The following TLL1 variants were observed in gnomAD, a reference collection of about 807,000 sequenced individuals.
The protein encoded by TLL1 is tolloid like 1.
Under a neutral mutation model 128.2 loss-of-function variants are expected in TLL1, and 49 were observed. The ratio of observed to expected loss-of-function variants is 0.38; its 90% CI spans 0.30 to 0.48. The LOEUF (loss-of-function observed/expected upper bound fraction) is 0.48, where lower values mean the gene tolerates loss of function less well. Among genes scored for constraint, TLL1 ranks in the 20% least tolerant of loss-of-function variants. The pLI, the probability that TLL1 is intolerant of heterozygous loss-of-function variation, is 0.96. For missense variants in TLL1, 1,123 were observed against 1,242.0 expected, an observed-to-expected ratio of 0.90 and a Z score of 1.44; for synonymous variants, 454 against 418.8, an observed-to-expected ratio of 1.08 and a Z score of -1.03.
At chr4:166,002,387 T>G (rs1263299398) in intron 5 of TLL1, among the ~76,000 whole-genome samples, 4 of 152,190 alleles carry the variant, frequency 2.6e-5, no homozygotes, top group South Asian at 4.1e-4. Flanking sequence ...ACCAGTTAAC[T>G]GTTAACTTTA....
At chr4:165,898,859 G>A (rs1042605960) in intron 1 of TLL1, among the ~76,000 whole-genome samples, 7 of 152,114 alleles carry the variant, frequency 4.6e-5, no homozygotes, top group African/African-American at 1.4e-4. Context: ...GTCTGGTCCT[G>A]GGCTTTTTTT....
intron 1 of TLL1, among the ~76,000 whole-genome samples, chr4:165,887,486 G>C (rs2110823962): frequency 6.6e-6 from 1 of 152,322 alleles, no homozygotes; most frequent in African/African-American, 2.4e-5. Flanking sequence ...TTAGTGACTG[G>C]ATAGACAGTG....
intron 17 of TLL1, among the ~76,000 whole-genome samples, 191 bp downstream of exon 17, chr4:166,075,194 G>A (rs1740968480): frequency 6.6e-6 from 1 of 152,176 alleles, no homozygotes; most frequent in South Asian, 2.1e-4. Context: ...TTCGCACATA[G>A]ATGGCATTAG....
At chr4:165,874,185 C>T (rs1312153118) in intron 1 of TLL1, 112 bp downstream of exon 1, 2 of 1,314,396 alleles carry the variant, frequency 1.5e-6, no homozygotes, top group African/African-American at 2.9e-5. Context: ...TCAGCCCCTC[C>T]GCCGCCCCTC....
chr4:165,885,116 G>A (rs976017003), intron 1 of TLL1, among the ~76,000 whole-genome samples: 21 of 152,004 alleles, frequency 1.4e-4, no homozygotes, highest in African/African-American at 2.4e-4. Context: ...AAGAATAACC[G>A]TATCTGGGTA....
chr4:165,980,178 G>A (rs1322762416), intron 1 of TLL1, among the ~76,000 whole-genome samples: 1 of 151,698 alleles, frequency 6.6e-6, no homozygotes, highest in Non-Finnish European at 1.5e-5. Flanking sequence ...TTGAGAATAT[G>A]TTGGGCAGAC....
At chr4:165,953,667 A>G (rs1734648870) in intron 1 of TLL1, among the ~76,000 whole-genome samples, 1 of 151,144 alleles carries the variant, frequency 6.6e-6, no homozygotes, top group African/African-American at 2.4e-5. Context: ...GTACAAATGA[A>G]TAGAGTGAAT....
At chr4:165,946,850 G>A (rs550421574) in intron 1 of TLL1, among the ~76,000 whole-genome samples, 289 of 152,188 alleles carry the variant, frequency 1.9e-3, no homozygotes, top group Non-Finnish European at 3.1e-3. Flanking sequence ...TCCTTCTGAT[G>A]AGGACTTAAA....
intron 1 of TLL1, among the ~76,000 whole-genome samples, chr4:165,915,212 T>G (rs1732726089): frequency 6.6e-6 from 1 of 152,236 alleles, no homozygotes; most frequent in African/African-American, 2.4e-5. Context: ...TTGACCTTTT[T>G]GAAGTTCTAG....
intron 1 of TLL1, among the ~76,000 whole-genome samples, chr4:165,901,517 C>A (rs1303922016): frequency 6.6e-6 from 1 of 152,154 alleles, no homozygotes; most frequent in Non-Finnish European, 1.5e-5. Context: ...TGGAGGTCTG[C>A]TAGATTTTGC....
Position 165,888,554 on chromosome 4 carries a change from A to G in TLL1, c.169+14481A>G, listed in dbSNP as rs1460061. ...TTGTTCCTTTAATACACTGGAAAAT[A>G]TTTTTTTTTTTTGCCTCCGTAACAG... On this transcript the variant is annotated intron_variant, in intron 1 of 20. Transcript: ENST00000061240. Among the ~76,000 whole-genome samples the G allele has an allele frequency of 2.0e-5, 3 of 146,818 alleles. No homozygotes were observed. The East Asian group carries it at 5.9e-4, about 29-fold the overall frequency.
At chr4:166,051,389 G>A (rs927044279) in intron 12 of TLL1, among the ~76,000 whole-genome samples, 9 of 140,494 alleles carry the variant, frequency 6.4e-5, no homozygotes, top group East Asian at 6.4e-4. Context: ...ATAAATCATC[G>A]CCTTTGGTGT....
intron 1 of TLL1, among the ~76,000 whole-genome samples, chr4:165,954,395 A>T (rs984040574): frequency 5.3e-5 from 8 of 152,158 alleles, no homozygotes; most frequent in South Asian, 2.1e-4. Flanking sequence ...AAAAAGATAA[A>T]TGGAAAAAAT....
At chr4:165,992,640 T>C (rs111657530) in intron 2 of TLL1, among the ~76,000 whole-genome samples, 164 bp from the exon 3 acceptor site, 217 of 152,198 alleles carry the variant, frequency 1.4e-3, no homozygotes, top group African/African-American at 4.8e-3. Flanking sequence ...TTGGTTGCTG[T>C]AGAGTTTTTA....
chr4:165,928,659 A>G (rs1171319838), intron 1 of TLL1, among the ~76,000 whole-genome samples: 3 of 152,196 alleles, frequency 2.0e-5, no homozygotes, highest in African/African-American at 7.2e-5. Flanking sequence ...AATTTCCAAA[A>G]CAATCTAAAA....
chr4:166,073,903 A>G (rs183510039), intron 16 of TLL1, among the ~76,000 whole-genome samples: 33 of 152,186 alleles, frequency 2.2e-4, no homozygotes, highest in African/African-American at 7.7e-4. Flanking sequence ...AACTCCTCAT[A>G]TGACTGTAAC....
At chr4:166,024,697 C>A (rs1267228974) in intron 8 of TLL1, among the ~76,000 whole-genome samples, 1 of 151,762 alleles carries the variant, frequency 6.6e-6, no homozygotes, top group East Asian at 1.9e-4. Flanking sequence ...ACACAAATTG[C>A]TTTTTTAGCA....
chr4:166,101,000 G>T lies in TLL1; in HGVS notation c.*124G>T, dbSNP rs1742262257. The T allele has an allele frequency of 1.6e-6, 2 of 1,261,008 alleles. No homozygotes were observed. The highest frequency in any genetic ancestry group is 2.2e-6 in the Non-Finnish European group (2 of 902,910). 78.1% of individuals were successfully genotyped at this position (1,261,008 alleles called of 1,614,324 possible). A position where few individuals can be genotyped will look rare whatever the true frequency, so the allele number is the denominator to read the frequency against. On this transcript the variant is annotated 3_prime_UTR_variant, in exon 21 of 21. Transcript: ENST00000061240. ...GAGTTTGAACAAAAAATCCCTGTAA[G>T]ACCAGAATTATCTTTGTACTAAAAG...
chr4:165,952,594 A>G (rs1194668552), intron 1 of TLL1, among the ~76,000 whole-genome samples: 1 of 152,134 alleles, frequency 6.6e-6, no homozygotes, highest in Non-Finnish European at 1.5e-5. Flanking sequence ...GATGAATTCA[A>G]AGTTTTGAAA....
Sources: allele counts gnomAD v4.1 joint callset (sites outside exome capture counted in the v4.1 genomes callset), GRCh38; gene constraint gnomAD v4.1.1; transcripts MANE v1.5; gene names NCBI Gene and HGNC (gene_info 2026-07-23, HGNC 2026-07-21).